RBL2: variants seen among roughly 807,000 people sequenced by gnomAD.
RBL2 encodes retinoblastoma-like protein 2.
RBL2 carries 56 observed loss-of-function variants against 126.0 expected under a neutral mutation model. That is an observed-to-expected ratio of 0.44 (90% CI 0.36 to 0.56). RBL2 has a LOEUF of 0.56. Ranked by LOEUF, RBL2 falls within the 20% of genes least tolerant of loss-of-function variation. The pLI is 0.00. For missense variants in RBL2, 1,229 were observed against 1,398.2 expected (o/e 0.88, Z 1.93); for synonymous variants, 454 against 478.5 (o/e 0.95, Z 0.67).
At chr16:53,434,909 G>A (rs928016045) in intron 1 of RBL2, 113 bp downstream of exon 1, 1 of 1,366,586 alleles carries the variant, frequency 7.3e-7, no homozygotes, top group East Asian at 2.9e-5. Flanking sequence ...TCCCAGCCCC[G>A]AGAGGGGTGG....
chr16:53,476,206 T>A (rs1431892415), intron 17 of RBL2, among the ~76,000 whole-genome samples: 2 of 152,214 alleles, frequency 1.3e-5, no homozygotes, highest in Non-Finnish European at 2.9e-5. Context: ...TGGTATGGTG[T>A]GTCTTCATTT....
intron 21 of RBL2, among the ~76,000 whole-genome samples, chr16:53,486,955 A>T (rs746355356): frequency 8.5e-5 from 13 of 152,216 alleles, no homozygotes; most frequent in Non-Finnish European, 1.9e-4. Flanking sequence ...ATACCATAAC[A>T]TTTTAAAATT....
intron 8 of RBL2, among the ~76,000 whole-genome samples, chr16:53,455,393 A>G (rs2058157280): frequency 6.6e-6 from 1 of 152,242 alleles, no homozygotes; most frequent in Non-Finnish European, 1.5e-5. Flanking sequence ...TCCAAGGGCC[A>G]GTTCACCTGG....
chr16:53,460,493 T>C (rs933259440), intron 9 of RBL2, among the ~76,000 whole-genome samples: 2 of 152,214 alleles, frequency 1.3e-5, no homozygotes, highest in East Asian at 1.9e-4. Context: ...GTCATGTTTT[T>C]CAGATGCACC....
At chr16:53,487,937 GACA>G (rs1396187522) in intron 21 of RBL2, 3 of 152,200 alleles carry the variant, frequency 2.0e-5, no homozygotes, top group Non-Finnish European at 4.4e-5. Flanking sequence ...CGTAAGTTCT[GACA>G]ACAATGTGGA....
chr16:53,483,979 TAA>T (rs56331911), intron 21 of RBL2, among the ~76,000 whole-genome samples: 81,939 of 149,690 alleles, frequency 0.55, 24,693 homozygotes, highest in African/African-American at 0.81. Flanking sequence ...AATGAATTTA[TAA>T]AACTTATGAA....
Position 53,472,832 on chromosome 16 carries a change from T to C in RBL2, c.2703+1910T>C, listed in dbSNP as rs768374861. Among the ~76,000 whole-genome samples the C allele has an allele frequency of 9.7e-4, 148 of 152,228 alleles. 3 individuals carry two copies. Among genetic ancestry groups the C allele is most frequent in the Non-Finnish European group, 4.4e-4 (30 of 68,034 alleles). ...CAAGGTCTTTTGATTTTTATAGTTT[T>C]ATCTCATAGTTAGGTCTTTGATCAA... On this transcript the variant is annotated intron_variant, in intron 17 of 21. Transcript: ENST00000262133.
chr16:53,452,698 ACT>A (rs1209824940), intron 5 of RBL2, among the ~76,000 whole-genome samples: 3 of 151,094 alleles, frequency 2.0e-5, no homozygotes, highest in African/African-American at 7.3e-5. Flanking sequence ...ACAGGGTCTC[ACT>A]CTGTCACCCA....
In RBL2 at chr16:53,484,947, ATAT is replaced by A. The variant is rs895868880; in HGVS notation, c.3249+3116_3249+3118del. Among the ~76,000 whole-genome samples the A allele has an allele frequency of 8.5e-4, 130 of 152,300 alleles. 1 individual carries two copies. Among genetic ancestry groups the A allele is most frequent in the African/African-American group, 2.9e-3 (120 of 41,564 alleles). On this transcript the variant is annotated intron_variant, in intron 21 of 21. Coordinates refer to ENST00000262133, the MANE Select transcript of RBL2 (RefSeq NM_005611.4). ...GAGAAAGTAGATTTCAGAGCAAAAA[ATAT>A]TATCAGGACAAAGAGGGTCGTTTCC... is the stretch of plus-strand genomic sequence containing the variant.
intron 17 of RBL2, among the ~76,000 whole-genome samples, chr16:53,477,637 A>C (rs1285261839): frequency 6.6e-6 from 1 of 152,058 alleles, no homozygotes; most frequent in African/African-American, 2.4e-5. Flanking sequence ...TAGCCACTAC[A>C]CCCAGCCTAT....
In RBL2 at chr16:53,481,650, TG is replaced by T; in HGVS notation, c.3085-20del. On this transcript the variant is annotated intron_variant, in intron 20 of 21. Transcript: ENST00000262133. ...TTATAAATTTTTTTCTTAGAATTAC[TG>T]ATTTTTTTTTTTTAAACAGATGGAT... 8 of 1,514,522 alleles carry T rather than the reference TG, an allele frequency of 5.3e-6. No homozygotes were observed. The highest frequency in any genetic ancestry group is 7.1e-6 in the Non-Finnish European group (8 of 1,131,336). 93.8% of individuals were successfully genotyped at this position (1,514,522 alleles called of 1,614,324 possible). A position where few individuals can be genotyped will look rare whatever the true frequency, so the allele number is the denominator to read the frequency against.
At position 53,462,582 on chromosome 16, in the gene RBL2, A is replaced by G. The variant is rs747628050; in HGVS notation, c.1487A>G (p.Glu496Gly). The change falls in exon 11 of 22, where the codon GAG becomes GGG. Residue 496 changes from glutamate (E) to glycine (G), a missense_variant. Physicochemically the swap from Glu to Gly is moderately conservative, Grantham distance 98. Transcript: ENST00000262133. ...GCCAGCAAACATTTTCGTTTTGCGG[A>G]GATGCTTTACTATAAAGTATTAGAA... ...EIASKHFRFA[E>G]MLYYKVLESV... The G allele has an allele frequency of 4.5e-6, 7 of 1,560,918 alleles. No homozygotes were observed. Among genetic ancestry groups the G allele is most frequent in the Non-Finnish European group, 3.4e-6 (4 of 1,163,118 alleles).
chr16:53,481,723 G>A lies in RBL2; in HGVS notation c.3137G>A (p.Arg1046His), dbSNP rs1478258607. ...PYPFVRTGSPRRIQLSQNHPV... is the reference protein window; with the variant it reads ...PYPFVRTGSPHRIQLSQNHPV... ...CCATTTGTAAGAACAGGCTCCCCTC[G>A]CCGAATACAGTTGTCTCAAAATCAT... Residue 1046 changes from arginine (R) to histidine (H), a missense_variant, in exon 21 of 22, where the codon CGC (arginine) becomes CAC (histidine). Arg to His is a conservative substitution (Grantham distance 29). Transcript: ENST00000262133. 4.3e-6 allele frequency: 7 copies of A among 1,609,308 alleles called. No individual in the cohort carries two copies. The highest frequency in any genetic ancestry group is 1.7e-5 in the Admixed American group (1 of 59,862).
intron 7 of RBL2, chr16:53,454,262 T>G (rs2058144365): frequency 2.2e-6 from 1 of 449,744 alleles, no homozygotes; most frequent in Non-Finnish European, 4.4e-6. Flanking sequence ...TGGAATGCAG[T>G]GGCATGATCT....
intron 3 of RBL2, 49 bp downstream of exon 3, chr16:53,442,907 A>C: frequency 7.5e-7 from 1 of 1,332,872 alleles, no homozygotes; most frequent in Non-Finnish European, 1.0e-6. Flanking sequence ...TCTGTGCTGC[A>C]GTGTTGATAT....
intron 5 of RBL2, among the ~76,000 whole-genome samples, chr16:53,452,646 T>C (rs1377563239): frequency 6.6e-6 from 1 of 152,134 alleles, no homozygotes; most frequent in Non-Finnish European, 1.5e-5. Context: ...TTCACTTTTA[T>C]CTTTTTTTTG....
chr16:53,485,638 T>C (rs1205150582), intron 21 of RBL2, among the ~76,000 whole-genome samples: 1 of 151,132 alleles, frequency 6.6e-6, no homozygotes, highest in African/African-American at 2.4e-5. Flanking sequence ...GTGGACTGCC[T>C]GAGCTCAGGA....
chr16:53,451,785 A>G lies in RBL2; in HGVS notation c.720A>G (p.Ala240=). 6.2e-7 allele frequency: 1 copy of G among 1,613,832 alleles called. No homozygotes were observed. Among genetic ancestry groups the G allele is most frequent in the Non-Finnish European group, 8.5e-7 (1 of 1,179,806 alleles). Reference sequence around the variant, plus strand: ...CTTTGGACTTAGTTTATGGAAATGCACTTCAGTGTTCTAATCGTAAAGAAC... The same window carrying G: ...CTTTGGACTTAGTTTATGGAAATGCGCTTCAGTGTTCTAATCGTAAAGAAC... The part of the protein sequence containing the change: ...LCALDLVYGN[A]LQCSNRKELV... The change falls in exon 5 of 22, where the codon GCA becomes GCG. Residue 240 remains alanine, a synonymous_variant. Transcript: ENST00000262133.
At chr16:53,439,513 T>C (rs1027663832) in intron 2 of RBL2, among the ~76,000 whole-genome samples, 2 of 152,184 alleles carry the variant, frequency 1.3e-5, no homozygotes, top group Non-Finnish European at 2.9e-5. Context: ...CTTAGAAATA[T>C]GTGCACAGGA....
Sources: allele counts gnomAD v4.1 joint callset (sites outside exome capture counted in the v4.1 genomes callset), GRCh38; gene constraint gnomAD v4.1.1; transcripts MANE v1.5; gene names NCBI Gene and HGNC (gene_info 2026-07-23, HGNC 2026-07-21).